Variants in OR9Q1 observed in about 807,000 individuals in gnomAD.
OR9Q1 encodes the protein olfactory receptor family 9 subfamily Q member 1, also known as olfactory receptor 9Q1.
For synonymous variants in OR9Q1, 153 were observed against 148.6 expected (o/e 1.03, Z -0.22); for missense variants, 374 against 378.8 (o/e 0.99, Z 0.11).
At chr11:58,073,207 TC>T in intron 2 of OR9Q1, 1 of 233,348 alleles carries the variant, frequency 4.3e-6, no homozygotes. Context: ...TGCTTGTATT[TC>T]CAATAAAGTG....
intron 1 of OR9Q1, among the ~76,000 whole-genome samples, chr11:58,038,977 T>C (rs1033449103): frequency 2.0e-5 from 3 of 152,120 alleles, no homozygotes; most frequent in Non-Finnish European, 2.9e-5. Flanking sequence ...TTCTTCTTTA[T>C]TTTTAAATTA....
chr11:58,084,370 G>C lies in OR9Q1; in HGVS notation c.-15+28423G>C, dbSNP rs191760208. On this transcript the variant is annotated intron_variant, in intron 2 of 2. Transcript: ENST00000335397. ...ATTTGTACATCTTTAGATGTGCAAA[G>C]AACTGGTACCAATCCTGCTGAAGCT... Among the ~76,000 whole-genome samples the C allele has an allele frequency of 2.6e-3, 388 of 151,892 alleles. 13 individuals are homozygous for C. Among genetic ancestry groups the C allele is most frequent in the African/African-American group, 9.1e-3 (377 of 41,262 alleles).
intron 2 of OR9Q1, among the ~76,000 whole-genome samples, chr11:58,174,696 A>G (rs1298264915): frequency 2.7e-5 from 4 of 150,448 alleles, no homozygotes; most frequent in Admixed American, 6.7e-5. Flanking sequence ...GTTTGACTTA[A>G]TTTTTCTCTA....
intron 2 of OR9Q1, among the ~76,000 whole-genome samples, chr11:58,093,810 G>A (rs931647998): frequency 3.3e-5 from 5 of 150,522 alleles, no homozygotes; most frequent in African/African-American, 1.2e-4. Flanking sequence ...TATTGGCAAG[G>A]GTGCAGAGAA....
intron 2 of OR9Q1, among the ~76,000 whole-genome samples, chr11:58,090,343 G>A (rs1040756494): frequency 3.3e-5 from 5 of 152,044 alleles, no homozygotes; most frequent in Non-Finnish European, 2.9e-5. Context: ...TTTACTGAGT[G>A]TTTTAGCATA....
chr11:58,037,680 TA>T (rs1853116652), intron 1 of OR9Q1, among the ~76,000 whole-genome samples: 2 of 13,194 alleles, frequency 1.5e-4, no homozygotes, highest in Non-Finnish European at 3.7e-4. Context: ...TATATATATA[TA>T]TATATATATT....
intron 2 of OR9Q1, among the ~76,000 whole-genome samples, chr11:58,129,648 C>G (rs1370118323): frequency 6.6e-6 from 1 of 152,124 alleles, no homozygotes; most frequent in Non-Finnish European, 1.5e-5. Context: ...GCTACTCACT[C>G]GAGAAGGTGC....
chr11:58,110,158 A>G (rs113483313), intron 2 of OR9Q1, among the ~76,000 whole-genome samples: 401 of 152,084 alleles, frequency 2.6e-3, no homozygotes, highest in African/African-American at 9.1e-3. Flanking sequence ...CTTTCTGTCC[A>G]CTCTGCCTTT....
intron 1 of OR9Q1, chr11:58,031,402 TGCCTGTTGGCTG>T (rs1231867352): frequency 1.2e-6 from 2 of 1,614,246 alleles, no homozygotes; most frequent in Non-Finnish European, 1.7e-6. Context: ...GTCTGGCAGC[TGCCTGTTGGCTG>T]GTAGGTTTCC....
chr11:58,092,266 C>T (rs2443436), intron 2 of OR9Q1, among the ~76,000 whole-genome samples: 141,134 of 151,956 alleles, frequency 0.93, 65,802 homozygotes, highest in South Asian at 0.97. Flanking sequence ...TTTTTTAGAG[C>T]GGCTGGTACC....
intron 2 of OR9Q1, among the ~76,000 whole-genome samples, chr11:58,074,109 A>C (rs560048144): frequency 3.3e-5 from 5 of 152,280 alleles, no homozygotes; most frequent in Admixed American, 3.3e-4. Flanking sequence ...TTGCTATTAT[A>C]AATAGTGCTG....
intron 2 of OR9Q1, among the ~76,000 whole-genome samples, chr11:58,171,970 A>G (rs1028035981): frequency 1.3e-5 from 2 of 152,156 alleles, no homozygotes; most frequent in African/African-American, 4.8e-5. Context: ...AATACTTGAA[A>G]TTCCCTTATG....
At chr11:58,067,217 T>C (rs981584642) in intron 2 of OR9Q1, among the ~76,000 whole-genome samples, 7 of 151,968 alleles carry the variant, frequency 4.6e-5, no homozygotes, top group African/African-American at 1.7e-4. Context: ...TGTGTGTTTT[T>C]AGTAGAGACA....
chr11:58,046,183 A>G (rs1394498007), intron 1 of OR9Q1, among the ~76,000 whole-genome samples: 1 of 151,612 alleles, frequency 6.6e-6, no homozygotes, highest in Non-Finnish European at 1.5e-5. Flanking sequence ...GAAGATCTCA[A>G]CAGGTGGGGT....
intron 1 of OR9Q1, chr11:58,031,826 C>G: frequency 1.2e-6 from 2 of 1,614,168 alleles, no homozygotes; most frequent in East Asian, 2.2e-5. Context: ...GCTCAATCCT[C>G]TCATCTACAG....
intron 2 of OR9Q1, among the ~76,000 whole-genome samples, chr11:58,059,653 A>T (rs1344256977): frequency 3.3e-5 from 4 of 122,986 alleles, no homozygotes; most frequent in Non-Finnish European, 6.4e-5. Context: ...GCACCACTGC[A>T]CTCCTGCCTG....
chr11:58,043,316 G>T (rs927860641), intron 1 of OR9Q1, among the ~76,000 whole-genome samples: 2 of 152,200 alleles, frequency 1.3e-5, no homozygotes, highest in African/African-American at 2.4e-5. Flanking sequence ...GTTTTGAAGA[G>T]ACTTCATCCA....
At position 58,047,758 on chromosome 11, in the gene OR9Q1, C is replaced by T. The variant is rs531130228; in HGVS notation, c.-92-8112C>T. 4.0e-5 allele frequency among the ~76,000 whole-genome samples: 6 copies of T among 150,420 alleles called. 1 individual carries two copies. In the South Asian group the frequency reaches 1.3e-3, roughly 32 times the overall value. On this transcript the variant is annotated intron_variant, in intron 1 of 2. Coordinates refer to ENST00000335397, the MANE Select transcript of OR9Q1 (RefSeq NM_001005212.4). ...AATTAGCTTGCCGTGATGGTGGGCA[C>T]AAGTAATCTCAGCTACTCAGGAGGC...
chr11:58,047,717 CAAAAAA>C (rs67113314), intron 1 of OR9Q1, among the ~76,000 whole-genome samples: 1 of 144,066 alleles, frequency 6.9e-6, no homozygotes. Context: ...ACTAATGATA[CAAAAAA>C]AAAAAAAAAA....
Sources: allele counts gnomAD v4.1 joint callset (sites outside exome capture counted in the v4.1 genomes callset), GRCh38; gene constraint gnomAD v4.1.1; transcripts MANE v1.5; gene names NCBI Gene and HGNC (gene_info 2026-07-23, HGNC 2026-07-21).